SORCS3: variants seen among roughly 807,000 people sequenced by gnomAD.
SORCS3 encodes the protein VPS10 domain-containing receptor SorCS3.
A neutral mutation model predicts 146.3 loss-of-function variants in SORCS3; 57 were observed. That is an observed-to-expected ratio of 0.39 (90% confidence interval 0.31 to 0.49). The LOEUF (loss-of-function observed/expected upper bound fraction) is 0.49, where lower values mean the gene tolerates loss of function less well. SORCS3 is among the 20% of genes least tolerant of loss of function. The pLI is 0.92. For missense variants in SORCS3, 1,341 were observed against 1,575.5 expected (o/e 0.85, Z 2.52); for synonymous variants, 653 against 618.5 (o/e 1.06, Z -0.83).
At chr10:105,070,960 G>A (rs2055552796) in intron 5 of SORCS3, among the ~76,000 whole-genome samples, 1 of 151,934 alleles carries the variant, frequency 6.6e-6, no homozygotes, top group African/African-American at 2.4e-5. Context: ...GACAGTGATG[G>A]GAGAAGAGAA....
intron 8 of SORCS3, among the ~76,000 whole-genome samples, chr10:105,144,098 G>T (rs2056113799): frequency 6.6e-6 from 1 of 152,110 alleles, no homozygotes; most frequent in African/African-American, 2.4e-5. Flanking sequence ...ATAATTTTGT[G>T]CTATTCTTTG....
rs546373264 is a variant in SORCS3 at position 104,872,360 on chromosome 10, T to C, written c.695+29501T>C. ...ATGAGGGGTTTGTGTCTGATACTCC[T>C]GACTAAGTATTTTTGAGAATCTATT... On this transcript the variant is annotated intron_variant, in intron 2 of 26. Coordinates refer to ENST00000369701, the MANE Select transcript of SORCS3 (RefSeq NM_014978.3). 4.5e-4 allele frequency among the ~76,000 whole-genome samples: 69 copies of C among 152,256 alleles called. No homozygotes were observed. In the Middle Eastern group the frequency reaches 0.014, roughly 30 times the overall value.
intron 20 of SORCS3, among the ~76,000 whole-genome samples, chr10:105,241,295 G>A (rs2056821514): frequency 6.6e-6 from 1 of 152,144 alleles, no homozygotes; most frequent in South Asian, 2.1e-4. Flanking sequence ...ATACACTCTG[G>A]GTGCTGACAC....
chr10:104,662,000 C>G (rs977573877), intron 1 of SORCS3, among the ~76,000 whole-genome samples: 2 of 152,092 alleles, frequency 1.3e-5, no homozygotes, highest in African/African-American at 4.8e-5. Context: ...TTCATTTTTC[C>G]CTCATAACTT....
chr10:104,740,424 G>C (rs537978914), intron 1 of SORCS3, among the ~76,000 whole-genome samples: 46 of 152,266 alleles, frequency 3.0e-4, no homozygotes, highest in South Asian at 8.3e-4. Flanking sequence ...TCCTCCTTCT[G>C]TGTACTGTTT....
chr10:105,019,385 C>G (rs1190153498), intron 4 of SORCS3, among the ~76,000 whole-genome samples: 1 of 152,218 alleles, frequency 6.6e-6, no homozygotes, highest in East Asian at 1.9e-4. Context: ...GTCTTTCAGT[C>G]TAGATCCCAC....
intron 19 of SORCS3, among the ~76,000 whole-genome samples, chr10:105,218,517 G>T (rs1271323187): frequency 2.0e-5 from 3 of 152,126 alleles, no homozygotes; most frequent in Non-Finnish European, 4.4e-5. Context: ...CCATAAATAG[G>T]CAAAGTGGTG....
chr10:104,828,995 C>T (rs746786205), intron 1 of SORCS3, among the ~76,000 whole-genome samples: 5 of 152,104 alleles, frequency 3.3e-5, no homozygotes, highest in Non-Finnish European at 5.9e-5. Context: ...AAACTTTTTC[C>T]ATCTCTTATG....
intron 2 of SORCS3, among the ~76,000 whole-genome samples, chr10:104,856,413 ATATGATAT>A (rs1201317400): frequency 7.0e-6 from 1 of 142,128 alleles, no homozygotes; most frequent in African/African-American, 2.9e-5. Context: ...GACCACTGTT[ATATGATAT>A]TATGATATTA....
chr10:104,993,279 G>C (rs918892288), intron 4 of SORCS3, among the ~76,000 whole-genome samples: 2 of 152,182 alleles, frequency 1.3e-5, no homozygotes. Flanking sequence ...ACTGTAGAGG[G>C]GATAATCACC....
intron 2 of SORCS3, among the ~76,000 whole-genome samples, chr10:104,914,411 A>G (rs1036342512): frequency 2.6e-5 from 4 of 152,130 alleles, no homozygotes; most frequent in Non-Finnish European, 5.9e-5. Flanking sequence ...AGAAGCTTTT[A>G]CAGAGGAGGT....
chr10:104,641,295 C>T lies in SORCS3; in HGVS notation c.-33C>T. Reference sequence around the variant, plus strand: ...CCCGCACCTCGGCGGGCGCCACACACTCGGCAGCCCGAGCCGCGGTAGCCG... The same window carrying T: ...CCCGCACCTCGGCGGGCGCCACACATTCGGCAGCCCGAGCCGCGGTAGCCG... On this transcript the variant is annotated 5_prime_UTR_variant, in exon 1 of 27. Coordinates refer to ENST00000369701, the MANE Select transcript of SORCS3 (RefSeq NM_014978.3). This position sits in a 1 kb window ranked among gnomAD's most constrained non-coding sequence, Gnocchi z 6.4. The T allele has an allele frequency of 1.6e-6, 2 of 1,255,460 alleles. No homozygotes were observed. Among genetic ancestry groups the T allele is most frequent in the Non-Finnish European group, 2.0e-6 (2 of 1,002,604 alleles). The allele number at this position is 1,255,460 out of a possible 1,614,324, so 77.8% of individuals were successfully genotyped here.
chr10:104,844,199 G>A (rs1044305159), intron 2 of SORCS3, among the ~76,000 whole-genome samples: 4 of 152,046 alleles, frequency 2.6e-5, no homozygotes, highest in African/African-American at 7.2e-5. Context: ...AGCATGCCTC[G>A]AACAAATGAA....
At chr10:104,785,351 G>A (rs1206141984) in intron 1 of SORCS3, among the ~76,000 whole-genome samples, 1 of 142,968 alleles carries the variant, frequency 7.0e-6, no homozygotes. Context: ...GGCGGTGCAA[G>A]ATGTGCTTTG....
chr10:104,867,546 T>C (rs1211494944), intron 2 of SORCS3, among the ~76,000 whole-genome samples: 1 of 152,094 alleles, frequency 6.6e-6, no homozygotes, highest in South Asian at 2.1e-4. Context: ...CCTGACCTCA[T>C]GATCTGCCCG....
At chr10:105,175,773 C>A (rs946711996) in intron 13 of SORCS3, among the ~76,000 whole-genome samples, 14 of 152,100 alleles carry the variant, frequency 9.2e-5, no homozygotes, top group Non-Finnish European at 1.8e-4. Flanking sequence ...AAATTCAAGA[C>A]AGATGATGAT....
intron 1 of SORCS3, among the ~76,000 whole-genome samples, chr10:104,726,401 G>C (rs78410804): frequency 0.011 from 1,681 of 152,238 alleles, 24 homozygotes; most frequent in African/African-American, 0.038. Flanking sequence ...AACTAAACTC[G>C]TGCTAATTTA....
intron 5 of SORCS3, among the ~76,000 whole-genome samples, chr10:105,061,203 G>A (rs898932684): frequency 1.3e-5 from 2 of 151,990 alleles, no homozygotes; most frequent in African/African-American, 4.8e-5. Context: ...TTTCTCCCAG[G>A]GTAAGAAAGC....
intron 5 of SORCS3, among the ~76,000 whole-genome samples, chr10:105,084,731 TTC>T (rs2055647792): frequency 7.3e-6 from 1 of 137,908 alleles, no homozygotes; most frequent in Non-Finnish European, 1.6e-5. Flanking sequence ...GTGCTGCTTC[TTC>T]TTTTTTTTTT....
Sources: allele counts gnomAD v4.1 joint callset (sites outside exome capture counted in the v4.1 genomes callset), GRCh38; gene constraint gnomAD v4.1.1; non-coding constraint Gnocchi (gnomAD v3.1); transcripts MANE v1.5; gene names NCBI Gene and HGNC (gene_info 2026-07-23, HGNC 2026-07-21).